Variants in FAM200B observed in about 807,000 individuals in gnomAD.
The protein encoded by FAM200B is protein FAM200B.
A neutral mutation model predicts 33.1 loss-of-function variants in FAM200B; 32 were observed. That is an observed-to-expected ratio of 0.97 (90% CI 0.73 to 1.30). FAM200B has a LOEUF of 1.30. Ranked by LOEUF, FAM200B falls within the 50% of genes most tolerant of loss-of-function variation. FAM200B has a pLI of 0.00. For synonymous variants in FAM200B, 240 were observed against 264.8 expected, an observed-to-expected ratio of 0.91 and a Z score of 0.91; for missense variants, 741 against 754.0, an observed-to-expected ratio of 0.98 and a Z score of 0.20.
At chr4:15,683,049 C>T (rs774169337) in intron 1 of FAM200B, among the ~76,000 whole-genome samples, 11 of 152,132 alleles carry the variant, frequency 7.2e-5, no homozygotes, top group Non-Finnish European at 1.5e-4. Context: ...GATGATACAG[C>T]GCACTAGAGA....
chr4:15,660,798 G>A, the FAM200B span, among the ~76,000 whole-genome samples: 1 of 152,202 alleles, frequency 6.6e-6, no homozygotes, highest in Non-Finnish European at 1.5e-5. Context: ...GAGTTAGGTG[G>A]CCCAGCACGG....
the FAM200B span, among the ~76,000 whole-genome samples, chr4:15,675,072 T>C: frequency 1.3e-5 from 2 of 152,212 alleles, no homozygotes; most frequent in Non-Finnish European, 2.9e-5. Flanking sequence ...CAAAACACTT[T>C]ATGCATCAAA....
Position 15,687,109 on chromosome 4 carries a change from A to G in FAM200B, c.132A>G (p.Gln44=). 6.5e-7 allele frequency: 1 copy of G among 1,549,096 alleles called. No homozygotes were observed. Among genetic ancestry groups the G allele is most frequent in the Non-Finnish European group, 8.7e-7 (1 of 1,146,042 alleles). The change falls in exon 2 of 2, where the codon CAA becomes CAG. Residue 44 remains glutamine, a synonymous_variant. Coordinates refer to ENST00000422728, the MANE Select transcript of FAM200B (RefSeq NM_001145191.2). Reference sequence around the variant, plus strand: ...AGAAAAATACTGACTCCAATCTGCAAACTTCAACTTCATTTGAGCCACATT... The same window carrying G: ...AGAAAAATACTGACTCCAATCTGCAGACTTCAACTTCATTTGAGCCACATT... ...NIEKNTDSNL[Q]TSTSFEPHFK...
At position 15,688,353 on chromosome 4, in the gene FAM200B, G is replaced by A. The variant is rs181842573; in HGVS notation, c.1376G>A (p.Arg459His). ...AGTGATGTATTCCAACATGTTGAAC[G>A]TATCCAGGGATTTCGAAAGACATTA... ...KNSDVFQHVERIQGFRKTLLL... is the reference protein window; with the variant it reads ...KNSDVFQHVEHIQGFRKTLLL... Residue 459 changes from arginine to histidine, a missense_variant, in exon 2 of 2, where the codon CGT (arginine) becomes CAT (histidine). Arg to His is a conservative substitution (Grantham distance 29). Coordinates refer to ENST00000422728, the MANE Select transcript of FAM200B (RefSeq NM_001145191.2). 1.1e-3 allele frequency: 1,678 copies of A among 1,549,716 alleles called. 1 individual carries two copies. The highest frequency in any genetic ancestry group is 1.4e-3 in the Non-Finnish European group (1,566 of 1,145,320).
the FAM200B span, chr4:15,638,537 T>A: frequency 1.3e-6 from 2 of 1,595,530 alleles, no homozygotes; most frequent in Non-Finnish European, 1.7e-6. Flanking sequence ...CACGGAATAT[T>A]TAAAAAACTT....
chr4:15,679,635 A>G (rs1193641874), upstream of FAM200B, among the ~76,000 whole-genome samples: 6 of 151,896 alleles, frequency 4.0e-5, no homozygotes, highest in East Asian at 1.2e-3. Flanking sequence ...TTTTAAAATT[A>G]AGCCTTCTTA....
the FAM200B span, among the ~76,000 whole-genome samples, chr4:15,652,096 C>G: frequency 6.6e-6 from 1 of 152,134 alleles, no homozygotes; most frequent in Non-Finnish European, 1.5e-5. Context: ...ACGGTAGAAA[C>G]TCCAATGCTC....
chr4:15,684,163 T>G (rs1718611171), intron 1 of FAM200B, among the ~76,000 whole-genome samples: 1 of 152,194 alleles, frequency 6.6e-6, no homozygotes, highest in Admixed American at 6.5e-5. Flanking sequence ...GTGTACACAT[T>G]TATAGGTCTT....
At chr4:15,644,920 G>A in the FAM200B span, among the ~76,000 whole-genome samples, 9 of 152,136 alleles carry the variant, frequency 5.9e-5, no homozygotes, top group Non-Finnish European at 8.8e-5. Flanking sequence ...GCATTCTGGA[G>A]GGCCTGGTGA....
the FAM200B span, among the ~76,000 whole-genome samples, chr4:15,638,206 T>C: frequency 6.6e-6 from 1 of 152,230 alleles, no homozygotes; most frequent in Non-Finnish European, 1.5e-5. Flanking sequence ...TGATCGATTT[T>C]GAGCAGGCCA....
the FAM200B span, among the ~76,000 whole-genome samples, chr4:15,639,158 C>G: frequency 6.6e-6 from 1 of 152,206 alleles, no homozygotes; most frequent in Non-Finnish European, 1.5e-5. Context: ...GAGCGAAACT[C>G]TGTCTCCAGA....
chr4:15,651,502 G>A, the FAM200B span, among the ~76,000 whole-genome samples: 23 of 152,032 alleles, frequency 1.5e-4, 1 homozygote, highest in African/African-American at 5.3e-4. Context: ...TTCTTCCACA[G>A]GTCTCAATTC....
At chr4:15,640,548 T>C in the FAM200B span, among the ~76,000 whole-genome samples, 1 of 151,896 alleles carries the variant, frequency 6.6e-6, no homozygotes, top group East Asian at 1.9e-4. Context: ...AAAAAGAAAA[T>C]TAATATTTCC....
chr4:15,637,624 T>A, the FAM200B span, among the ~76,000 whole-genome samples: 2 of 152,226 alleles, frequency 1.3e-5, no homozygotes, highest in African/African-American at 4.8e-5. Flanking sequence ...AATCCCATGT[T>A]ATAATTACAA....
chr4:15,638,085 T>C, the FAM200B span, among the ~76,000 whole-genome samples: 4 of 151,962 alleles, frequency 2.6e-5, no homozygotes, highest in East Asian at 5.8e-4. Context: ...TGAAAACCAA[T>C]GAAAAAAACA....
chr4:15,677,031 A>G (rs2148827132), upstream of FAM200B, among the ~76,000 whole-genome samples: 1 of 152,352 alleles, frequency 6.6e-6, no homozygotes, highest in South Asian at 2.1e-4. Context: ...CGTTTATATT[A>G]AGGTCAAAAA....
At chr4:15,677,165 T>A (rs751220090), upstream of FAM200B, among the ~76,000 whole-genome samples, 1 of 152,200 alleles carries the variant, frequency 6.6e-6, no homozygotes, top group Non-Finnish European at 1.5e-5. Context: ...AGGAAATATA[T>A]TCACAAAGGA....
upstream of FAM200B, among the ~76,000 whole-genome samples, chr4:15,679,562 C>CAAAAAAAAA (rs1202369624): frequency 1.5e-4 from 14 of 94,224 alleles, no homozygotes; most frequent in African/African-American, 2.2e-4. Context: ...AGTTCAGGAA[C>CAAAAAAAAA]AAAAAAAAAA....
At chr4:15,673,310 C>G in the FAM200B span, among the ~76,000 whole-genome samples, 10 of 151,824 alleles carry the variant, frequency 6.6e-5, no homozygotes, top group African/African-American at 2.4e-4. Context: ...GTGTGTTGAC[C>G]CGTGCCTGTA....
Sources: gnomAD v4.1 joint callset for allele counts (sites outside exome capture counted in the v4.1 genomes callset) on GRCh38, gnomAD v4.1.1 for gene constraint, MANE v1.5 for transcripts, NCBI Gene and HGNC (gene_info 2026-07-23, HGNC 2026-07-21) for gene names.